The following TBL1XR1 variants were observed in gnomAD, a reference collection of about 807,000 sequenced individuals.
The protein encoded by TBL1XR1 is F-box-like/WD repeat-containing protein TBL1XR1.
A neutral mutation model predicts 66.9 loss-of-function variants in TBL1XR1; 5 were observed. The observed-to-expected ratio is 0.07, with a 90% CI of 0.04 to 0.16. The LOEUF is 0.16. Among genes scored for constraint, TBL1XR1 ranks in the 10% least tolerant of loss-of-function variants. TBL1XR1 has a pLI of 1.00. For missense variants in TBL1XR1, 238 were observed against 623.2 expected (o/e 0.38, Z 6.58); for synonymous variants, 210 against 206.0 (o/e 1.02, Z -0.17).
intron 1 of TBL1XR1, among the ~76,000 whole-genome samples, chr3:177,107,139 T>C (rs866565908): frequency 2.6e-5 from 4 of 152,110 alleles, no homozygotes; most frequent in Non-Finnish European, 5.9e-5. Flanking sequence ...CAGCGGATAA[T>C]TACTAAACTG....
At chr3:177,107,368 T>C (rs187089219) in intron 1 of TBL1XR1, among the ~76,000 whole-genome samples, 1 of 152,366 alleles carries the variant, frequency 6.6e-6, no homozygotes, top group Admixed American at 6.5e-5. Context: ...ATTTTGAAAG[T>C]TGGCATAATC....
intron 2 of TBL1XR1, among the ~76,000 whole-genome samples, chr3:177,067,246 T>C (rs1381864104): frequency 6.6e-6 from 1 of 152,234 alleles, no homozygotes; most frequent in Non-Finnish European, 1.5e-5. Flanking sequence ...ATCATGAATA[T>C]GTTTGTCACG....
At chr3:177,064,600 T>C (rs1409740679) in intron 3 of TBL1XR1, among the ~76,000 whole-genome samples, 1 of 152,234 alleles carries the variant, frequency 6.6e-6, no homozygotes, top group East Asian at 1.9e-4. Context: ...ATTCTGGATA[T>C]ACATTATCAA....
intron 1 of TBL1XR1, among the ~76,000 whole-genome samples, chr3:177,181,479 TAAA>T (rs11420978): frequency 7.3e-6 from 1 of 137,778 alleles, no homozygotes. Context: ...GACTCCGTCT[TAAA>T]AAAAAAAAAA....
At chr3:177,086,016 T>C (rs1379166047) in intron 2 of TBL1XR1, among the ~76,000 whole-genome samples, 1 of 152,054 alleles carries the variant, frequency 6.6e-6, no homozygotes, top group Non-Finnish European at 1.5e-5. Flanking sequence ...AAATGAGAAC[T>C]AAACAAGAGA....
At position 177,024,808 on chromosome 3, in the gene TBL1XR1, A is replaced by G. The variant is rs1712880592; in HGVS notation, c.*690T>C. The G allele has an allele frequency of 6.6e-6, 1 of 152,356 alleles. No individual in the cohort carries two copies. The highest frequency in any genetic ancestry group is 1.5e-5 in the Non-Finnish European group (1 of 67,968). 9.4% of individuals were successfully genotyped at this position (152,356 alleles called of 1,614,324 possible). A position where few individuals can be genotyped will look rare whatever the true frequency, so the allele number is the denominator to read the frequency against. On this transcript the variant is annotated 3_prime_UTR_variant, in exon 16 of 16. Transcript: ENST00000457928. ...CTTACAGATTGACATGACCAAAGTCATAGGTTTTCATTTAATTTCCAATTC... is the reference window on the plus strand; with the variant it reads ...CTTACAGATTGACATGACCAAAGTCGTAGGTTTTCATTTAATTTCCAATTC...
At chr3:177,151,640 A>G (rs1191765552) in intron 1 of TBL1XR1, among the ~76,000 whole-genome samples, 1 of 152,222 alleles carries the variant, frequency 6.6e-6, no homozygotes, top group Non-Finnish European at 1.5e-5. Flanking sequence ...AATGAAAAAC[A>G]GGCTGAGTGT....
intron 1 of TBL1XR1, among the ~76,000 whole-genome samples, chr3:177,099,921 G>T (rs1935594366): frequency 6.6e-6 from 1 of 152,206 alleles, no homozygotes; most frequent in Non-Finnish European, 1.5e-5. Flanking sequence ...TAATTAACAT[G>T]TACTACTAAA....
intron 9 of TBL1XR1, among the ~76,000 whole-genome samples, chr3:177,046,779 T>C (rs1236509384): frequency 5.3e-5 from 8 of 152,148 alleles, no homozygotes; most frequent in Admixed American, 4.6e-4. Flanking sequence ...CACTTCCCTG[T>C]TTGACACCAC....
At chr3:177,121,583 AC>A (rs1726978870) in intron 1 of TBL1XR1, among the ~76,000 whole-genome samples, 2 of 152,214 alleles carry the variant, frequency 1.3e-5, no homozygotes, top group Admixed American at 1.3e-4. Context: ...ACATGCATTA[AC>A]GTTCTCTTTA....
chr3:177,021,791 C>G lies in TBL1XR1; in HGVS notation c.*3707G>C, dbSNP rs1218977468. On this transcript the variant is annotated 3_prime_UTR_variant, in exon 16 of 16. Coordinates refer to ENST00000457928, the MANE Select transcript of TBL1XR1 (RefSeq NM_024665.7). The stretch of plus-strand genomic sequence containing the variant: ...CACTGAAATAGGATTTCTGCGGAAA[C>G]TGTCAACAGTAGTAATTCACCATAT... 6.6e-6 allele frequency: 1 copy of G among 152,618 alleles called. No homozygotes were observed. Among genetic ancestry groups the G allele is most frequent in the East Asian group, 1.9e-4 (1 of 5,192 alleles). 9.5% of individuals were successfully genotyped at this position (152,618 alleles called of 1,614,324 possible).
chr3:177,026,603 A>G (rs1292450146), intron 14 of TBL1XR1, 129 bp from the exon 15 acceptor site: 3 of 639,966 alleles, frequency 4.7e-6, no homozygotes, highest in South Asian at 5.2e-5. Flanking sequence ...AACTATAAAA[A>G]TAAGTTCTGA....
At position 177,021,243 on chromosome 3, in the gene TBL1XR1, C is replaced by G. The variant is rs1043737053; in HGVS notation, c.*4255G>C. 6.6e-6 allele frequency: 1 copy of G among 152,544 alleles called. No individual in the cohort carries two copies. Among genetic ancestry groups the G allele is most frequent in the Admixed American group, 6.5e-5 (1 of 15,276 alleles). The allele number at this position is 152,544 out of a possible 1,614,324, so 9.4% of individuals were successfully genotyped here. A position where few individuals can be genotyped will look rare whatever the true frequency, so the allele number is the denominator to read the frequency against. On this transcript the variant is annotated 3_prime_UTR_variant, in exon 16 of 16. Coordinates refer to ENST00000457928, the MANE Select transcript of TBL1XR1 (RefSeq NM_024665.7). The stretch of plus-strand genomic sequence containing the variant: ...ACTTCCGTATTCAAGGATTACAGAG[C>G]TACAAATGCAGTCTGTGTGTTTTTG...
chr3:177,154,110 AAAAC>A (rs149209136), intron 1 of TBL1XR1, among the ~76,000 whole-genome samples: 2,368 of 152,138 alleles, frequency 0.016, 53 homozygotes, highest in African/African-American at 0.054. Context: ...CCTGAATTTA[AAAAC>A]AAACAAAAAT....
intron 3 of TBL1XR1, among the ~76,000 whole-genome samples, chr3:177,063,361 G>T (rs1350321376): frequency 6.6e-6 from 1 of 152,072 alleles, no homozygotes; most frequent in African/African-American, 2.4e-5. Flanking sequence ...AATTTTATAT[G>T]GCTCAACCTA....
In TBL1XR1 at chr3:177,025,213, T is replaced by C. The variant is rs1298532973; in HGVS notation, c.*285A>G. 1 of 383,650 alleles carries C rather than the reference T, an allele frequency of 2.6e-6. No individual in the cohort carries two copies. Among genetic ancestry groups the C allele is most frequent in the Non-Finnish European group, 4.6e-6 (1 of 215,776 alleles). 23.8% of individuals were successfully genotyped at this position (383,650 alleles called of 1,614,324 possible). A position where few individuals can be genotyped will look rare whatever the true frequency, so the allele number is the denominator to read the frequency against. On this transcript the variant is annotated 3_prime_UTR_variant, in exon 16 of 16. Coordinates refer to ENST00000457928, the MANE Select transcript of TBL1XR1 (RefSeq NM_024665.7). ...TATGTTCTGCTTTTATAATGTATAT[T>C]TTTCTCTCTTCTGTTTTTCATATCC... is the stretch of plus-strand genomic sequence containing the variant.
At chr3:177,033,481 G>C (rs755753781) in intron 13 of TBL1XR1, among the ~76,000 whole-genome samples, 3 of 151,780 alleles carry the variant, frequency 2.0e-5, no homozygotes, top group Admixed American at 6.6e-5. Context: ...GCATGGTTTT[G>C]AACACCAAAG....
intron 1 of TBL1XR1, among the ~76,000 whole-genome samples, chr3:177,107,879 A>G (rs995616513): frequency 2.6e-5 from 4 of 152,132 alleles, no homozygotes; most frequent in Admixed American, 2.6e-4. Context: ...AAGGCAAACT[A>G]TGGCCAGTTA....
chr3:177,103,888 G>T (rs1469216285), intron 1 of TBL1XR1, among the ~76,000 whole-genome samples: 1 of 152,124 alleles, frequency 6.6e-6, no homozygotes, highest in Non-Finnish European at 1.5e-5. Context: ...GGCCAAGGCA[G>T]GGAGATCACT....
Sources: gnomAD v4.1 joint callset for allele counts (sites outside exome capture counted in the v4.1 genomes callset) on GRCh38, gnomAD v4.1.1 for gene constraint, MANE v1.5 for transcripts, NCBI Gene and HGNC (gene_info 2026-07-23, HGNC 2026-07-21) for gene names.